The following ANKUB1 variants were observed in gnomAD, a reference collection of about 807,000 sequenced individuals.
ANKUB1 encodes protein ANKUB1.
Under a neutral mutation model 49.3 loss-of-function variants are expected in ANKUB1, and 42 were observed. The observed-to-expected ratio is 0.85, with a 90% confidence interval of 0.67 to 1.10. The LOEUF (loss-of-function observed/expected upper bound fraction) is 1.10. Among genes scored for constraint, ANKUB1 ranks in the 50% least tolerant of loss-of-function variants. The probability of loss-of-function intolerance (pLI) is 0.00; values close to 1 mark genes in which losing one functional copy is unlikely to be tolerated. For synonymous variants in ANKUB1, 222 were observed against 231.0 expected (o/e 0.96, Z 0.35); for missense variants, 613 against 642.0 (o/e 0.95, Z 0.49).
At chr3:149,766,714 C>T (rs1717031742) in intron 5 of ANKUB1, 1 of 702,628 alleles carries the variant, frequency 1.4e-6, no homozygotes, top group Admixed American at 2.2e-5. Flanking sequence ...GGGAGAATTG[C>T]TTGAGCCTAG....
chr3:149,772,017 ATCCT>A (rs1166374871), intron 3 of ANKUB1, among the ~76,000 whole-genome samples: 11 of 144,932 alleles, frequency 7.6e-5, no homozygotes, highest in African/African-American at 2.8e-4. Context: ...GTTTTCCTCC[ATCCT>A]TCCTTTTTTT....
chr3:149,768,139 G>A, intron 4 of ANKUB1, 44 bp from the exon 5 acceptor site: 2 of 1,245,032 alleles, frequency 1.6e-6, no homozygotes, highest in Non-Finnish European at 2.1e-6. Flanking sequence ...TAGAAAATCA[G>A]CAAACAGACA....
chr3:149,767,412 G>A lies in ANKUB1; in HGVS notation c.1250C>T (p.Ser417Phe). Reference protein sequence around the residue: ...FHPLVNASSFSELQKHQQQNQ... With the variant: ...FHPLVNASSFFELQKHQQQNQ... ...TTGTTGTTGATGTTTTTGTAATTCA[G>A]AGAATGAACTTGCATTCACCAGTGG... is the stretch of plus-strand genomic sequence containing the variant. Residue 417 changes from serine to phenylalanine, a missense_variant, in exon 5 of 6, where the codon TCT (serine) becomes TTT (phenylalanine). By Grantham distance (155) the Ser-to-Phe change is radical. Transcript: ENST00000446160. 1.3e-6 allele frequency: 2 copies of A among 1,551,704 alleles called. No individual in the cohort carries two copies. The highest frequency in any genetic ancestry group is 2.4e-5 in the South Asian group (2 of 84,056).
intron 3 of ANKUB1, among the ~76,000 whole-genome samples, chr3:149,772,245 T>A (rs1233138131): frequency 1.3e-5 from 2 of 152,128 alleles, no homozygotes; most frequent in African/African-American, 4.8e-5. Flanking sequence ...AATCTCGAAC[T>A]CCTAACTTCA....
chr3:149,769,795 A>G (rs943163726), intron 4 of ANKUB1, among the ~76,000 whole-genome samples: 12 of 152,220 alleles, frequency 7.9e-5, no homozygotes, highest in African/African-American at 2.7e-4. Flanking sequence ...TCTAAGTTGA[A>G]CCATCATAAG....
intron 2 of ANKUB1, among the ~76,000 whole-genome samples, chr3:149,787,639 T>C (rs1718167356): frequency 6.6e-6 from 1 of 152,224 alleles, no homozygotes; most frequent in African/African-American, 2.4e-5. Flanking sequence ...CAATGTTCTT[T>C]TCCCACTATT....
chr3:149,775,718 C>G (rs1325080026), intron 3 of ANKUB1, among the ~76,000 whole-genome samples: 1 of 152,032 alleles, frequency 6.6e-6, no homozygotes, highest in Non-Finnish European at 1.5e-5. Context: ...TTAGGTACTC[C>G]TTGTTTCAGA....
chr3:149,761,608 A>G lies in ANKUB1; in HGVS notation c.1511T>C (p.Phe504Ser). The G allele has an allele frequency of 6.4e-7, 1 of 1,550,762 alleles. No individual in the cohort carries two copies. The highest frequency in any genetic ancestry group is 2.4e-5 in the East Asian group (1 of 40,896). ...AIYCLAVASA[F>S]KEKRWLQQLE... is the part of the protein sequence containing the mutation. Reference sequence around the variant, plus strand: ...CTGCTGAAGCCATCGTTTCTCTTTAAAGGCACTGCAAGAAAACAAGATATA... The same window carrying G: ...CTGCTGAAGCCATCGTTTCTCTTTAGAGGCACTGCAAGAAAACAAGATATA... Residue 504 changes from phenylalanine (F) to serine (S), a missense_variant, in exon 6 of 6, where the codon TTT (phenylalanine) becomes TCT (serine). By Grantham distance (155) the Phe-to-Ser change is radical (BLOSUM62 -2). Transcript: ENST00000446160.
chr3:149,766,555 TTTGGGAGGCCAAG>T, intron 5 of ANKUB1: 1 of 364,730 alleles, frequency 2.7e-6, no homozygotes. Flanking sequence ...ATCCCAGCAC[TTTGGGAGGCCAAG>T]GTGGGAGGAT....
At chr3:149,780,127 C>T (rs1244972396) in intron 3 of ANKUB1, 112 bp downstream of exon 3, 1 of 819,224 alleles carries the variant, frequency 1.2e-6, no homozygotes, top group Non-Finnish European at 1.9e-6. Flanking sequence ...ATAAAGTTAA[C>T]AGATTGTATA....
At chr3:149,777,386 C>T (rs1406957569) in intron 3 of ANKUB1, among the ~76,000 whole-genome samples, 5 of 152,130 alleles carry the variant, frequency 3.3e-5, no homozygotes, top group African/African-American at 9.7e-5. Flanking sequence ...GCAGGGGAAT[C>T]GCTTGAACCT....
At chr3:149,771,371 C>T (rs775776644) in intron 3 of ANKUB1, among the ~76,000 whole-genome samples, 27 of 152,202 alleles carry the variant, frequency 1.8e-4, no homozygotes, top group Non-Finnish European at 3.1e-4. Flanking sequence ...CTTCACTCTG[C>T]TTCATTCATT....
At chr3:149,766,510 C>A in intron 5 of ANKUB1, 2 of 223,446 alleles carry the variant, frequency 9.0e-6, no homozygotes, top group East Asian at 7.5e-5. Context: ...AAAGAAGAAG[C>A]ATTAGCAGGC....
chr3:149,771,055 C>T (rs908019234), intron 3 of ANKUB1, among the ~76,000 whole-genome samples: 3 of 152,224 alleles, frequency 2.0e-5, no homozygotes, highest in Admixed American at 6.5e-5. Flanking sequence ...CTTCTGGGGC[C>T]TTTAGCTTAT....
At chr3:149,784,537 G>C (rs1390185834) in intron 2 of ANKUB1, among the ~76,000 whole-genome samples, 1 of 152,208 alleles carries the variant, frequency 6.6e-6, no homozygotes, top group Non-Finnish European at 1.5e-5. Context: ...AGTGTTGCCT[G>C]TAGTGGTGAC....
chr3:149,769,541 A>G (rs1424383328), intron 4 of ANKUB1, among the ~76,000 whole-genome samples: 1 of 152,268 alleles, frequency 6.6e-6, no homozygotes, highest in African/African-American at 2.4e-5. Context: ...TGAAAGTATC[A>G]TAAGTCTAAA....
intron 2 of ANKUB1, among the ~76,000 whole-genome samples, chr3:149,786,595 A>G (rs1448619290): frequency 6.6e-6 from 1 of 152,140 alleles, no homozygotes; most frequent in African/African-American, 2.4e-5. Context: ...ATTAGATCCC[A>G]TTTATCAATT....
intron 3 of ANKUB1, chr3:149,778,265 A>G (rs1160614522): frequency 1.3e-5 from 2 of 152,222 alleles, no homozygotes. Flanking sequence ...TACTCAGGTC[A>G]TGCTTAGACC....
In ANKUB1 at chr3:149,767,664, A is replaced by C. The variant is rs1356945692; in HGVS notation, c.998T>G (p.Phe333Cys). 1.3e-6 allele frequency: 2 copies of C among 1,551,536 alleles called. No individual in the cohort carries two copies. The highest frequency in any genetic ancestry group is 1.7e-6 in the Non-Finnish European group (2 of 1,146,996). The part of the protein sequence containing the change: ...AQSHSLHKSQ[F>C]CGARVFGAKV... Reference sequence around the variant, plus strand: ...TGCCCCAAAGACCCTTGCTCCACAAAACTGGCTTTTATGAAGACTGTGACT... The same window carrying C: ...TGCCCCAAAGACCCTTGCTCCACAACACTGGCTTTTATGAAGACTGTGACT... Residue 333 changes from phenylalanine (F) to cysteine (C), a missense_variant, in exon 5 of 6, where the codon TTT (phenylalanine) becomes TGT (cysteine). Physicochemically the swap from Phe to Cys is radical, Grantham distance 205. Coordinates refer to ENST00000446160, the MANE Select transcript of ANKUB1 (RefSeq NM_001144960.3).
Sources: gnomAD v4.1 joint callset for allele counts (sites outside exome capture counted in the v4.1 genomes callset) on GRCh38, gnomAD v4.1.1 for gene constraint, MANE v1.5 for transcripts, NCBI Gene and HGNC (gene_info 2026-07-23, HGNC 2026-07-21) for gene names.